Variants in INA observed in about 807,000 individuals in gnomAD.
The protein encoded by INA is alpha-internexin.
INA carries 35 observed loss-of-function variants against 40.1 expected under a neutral mutation model. The observed-to-expected ratio is 0.87, with a 90% CI of 0.67 to 1.16. The LOEUF (loss-of-function observed/expected upper bound fraction) is 1.16. INA is among the 50% of genes most tolerant of loss of function. The probability of loss-of-function intolerance (pLI) is 0.00; values close to 1 mark genes in which losing one functional copy is unlikely to be tolerated. For missense variants in INA, 594 were observed against 686.7 expected (o/e 0.87, Z 1.51); for synonymous variants, 290 against 316.9 (o/e 0.92, Z 0.90).
At position 103,289,283 on chromosome 10, in the gene INA, C is replaced by T. The variant is rs904089981; in HGVS notation, c.*614C>T. On this transcript the variant is annotated 3_prime_UTR_variant, in exon 3 of 3. Transcript: ENST00000369849. ...TCTCAAAAGAACTTACCCCCATTCG[C>T]GCTCTGCTCAGTGGGTAAAATTAGA... 3.9e-5 allele frequency: 6 copies of T among 152,618 alleles called. No individual in the cohort carries two copies. Among genetic ancestry groups the T allele is most frequent in the Non-Finnish European group, 7.3e-5 (5 of 68,052 alleles). The allele number at this position is 152,618 out of a possible 1,614,324, so 9.5% of individuals were successfully genotyped here.
At chr10:103,282,450 A>G (rs2093074782) in intron 1 of INA, among the ~76,000 whole-genome samples, 1 of 152,164 alleles carries the variant, frequency 6.6e-6, no homozygotes, top group Non-Finnish European at 1.5e-5. Flanking sequence ...GAGAATGGGG[A>G]CCACTGGAGT....
intron 1 of INA, among the ~76,000 whole-genome samples, chr10:103,282,630 AATTG>A (rs1272867370): frequency 6.6e-6 from 1 of 152,174 alleles, no homozygotes; most frequent in Non-Finnish European, 1.5e-5. Flanking sequence ...TTATTTTTAA[AATTG>A]ATTATTATCA....
intron 1 of INA, among the ~76,000 whole-genome samples, chr10:103,281,747 C>CA (rs1253682832): frequency 6.6e-6 from 1 of 152,230 alleles, no homozygotes; most frequent in Non-Finnish European, 1.5e-5. Flanking sequence ...CTGAAATCCA[C>CA]AGCTCTGTCG....
intron 1 of INA, chr10:103,279,875 AC>A: frequency 8.7e-7 from 1 of 1,149,252 alleles, no homozygotes; most frequent in South Asian, 1.3e-5. Flanking sequence ...TTCATTATGT[AC>A]CCTAACCCCT....
chr10:103,278,135 C>G lies in INA; in HGVS notation c.924C>G (p.Ser308Arg). The change falls in exon 1 of 3, where the codon AGC (serine) becomes AGG (arginine). Residue 308 changes from serine (S) to arginine (R), a missense_variant. Physicochemically the swap from Ser to Arg is moderately radical, Grantham distance 110 (BLOSUM62 -1). Around this residue, in one of 2 missense-constraint regions of INA, gnomAD observed 379 missense variants for 496.1 expected, o/e 0.76. Coordinates refer to ENST00000369849, the MANE Select transcript of INA (RefSeq NM_032727.4). This position sits in a 1 kb window ranked among gnomAD's most constrained non-coding sequence, Gnocchi z 4.9. ...AARSTEAIRA[S>R]REEIHEYRRQ... ...GCAGCACCGAGGCCATCCGGGCCAG[C>G]CGCGAGGAGATCCACGAGTATCGGC... The G allele has an allele frequency of 1.9e-6, 3 of 1,613,096 alleles. No individual in the cohort carries two copies. Among genetic ancestry groups the G allele is most frequent in the Non-Finnish European group, 1.7e-6 (2 of 1,179,862 alleles).
chr10:103,281,153 TGATA>T (rs1196720091), intron 1 of INA, among the ~76,000 whole-genome samples: 1 of 152,252 alleles, frequency 6.6e-6, no homozygotes, highest in Non-Finnish European at 1.5e-5. Context: ...ATCCATAGCT[TGATA>T]GATCCATTTC....
chr10:103,279,954 AC>A (rs753562511), intron 1 of INA: 8 of 1,289,478 alleles, frequency 6.2e-6, no homozygotes, highest in African/African-American at 1.5e-5. Context: ...GCCTCCAAGT[AC>A]GAGCTAGGTG....
At position 103,277,892 on chromosome 10, in the gene INA, A is replaced by T. The variant is rs2093063790; in HGVS notation, c.681A>T (p.Val227=). The change falls in exon 1 of 3, where the codon GTA becomes GTT. Residue 227 remains valine, a synonymous_variant. Coordinates refer to ENST00000369849, the MANE Select transcript of INA (RefSeq NM_032727.4). The surrounding 1 kb of genome is among the most constrained non-coding windows in gnomAD (Gnocchi z 5.6). ...VESLLDELAF[V]RQVHDEEVAE... ...CGCTGCTGGACGAGCTGGCCTTCGT[A>T]CGCCAGGTGCACGACGAGGAGGTAG... 1 of 1,550,182 alleles carries T rather than the reference A, an allele frequency of 6.5e-7. No individual in the cohort carries two copies. The highest frequency in any genetic ancestry group is 1.4e-5 in the African/African-American group (1 of 73,022).
intron 1 of INA, among the ~76,000 whole-genome samples, chr10:103,283,563 T>C (rs963335599): frequency 2.6e-5 from 4 of 152,164 alleles, no homozygotes; most frequent in Admixed American, 2.0e-4. Flanking sequence ...TGTCAATATT[T>C]ATAGAACAGG....
At chr10:103,280,687 A>G (rs1275720757) in intron 1 of INA, 1 of 985,480 alleles carries the variant, frequency 1.0e-6, no homozygotes, top group Non-Finnish European at 1.2e-6. Context: ...GTAAAAAATG[A>G]TTCACGGTGA....
chr10:103,285,380 C>T (rs1311850471), intron 1 of INA, among the ~76,000 whole-genome samples: 4 of 151,978 alleles, frequency 2.6e-5, no homozygotes, highest in Admixed American at 2.6e-4. Flanking sequence ...ACTGCAACCT[C>T]TGCCTTCCAG....
In INA at chr10:103,289,446, C is replaced by G. The variant is rs2133540041; in HGVS notation, c.*777C>G. On this transcript the variant is annotated 3_prime_UTR_variant, in exon 3 of 3. Coordinates refer to ENST00000369849, the MANE Select transcript of INA (RefSeq NM_032727.4). ...AACATATAAAATAATGCAAAGAATC[C>G]CTAGACTTTAGGCTTTCAGCTTACA... 1 of 152,554 alleles carries G rather than the reference C, an allele frequency of 6.6e-6. No homozygotes were observed. Among genetic ancestry groups the G allele is most frequent in the African/African-American group, 2.4e-5 (1 of 41,486 alleles). The allele number at this position is 152,554 out of a possible 1,614,324, so 9.5% of individuals were successfully genotyped here.
chr10:103,289,348 C>G lies in INA; in HGVS notation c.*679C>G, dbSNP rs1063461. 0.41 allele frequency: 62,112 copies of G among 152,452 alleles called. 13,255 individuals are homozygous for G. The highest frequency in any genetic ancestry group is 0.56 in the South Asian group (2,682 of 4,822). The allele number at this position is 152,452 out of a possible 1,614,324, so 9.4% of individuals were successfully genotyped here. ...GTCTATGATTCGTGTAATTACTTAT[C>G]CCTGCCCATTTCATATTCTTTCAAT... is the stretch of plus-strand genomic sequence containing the variant. On this transcript the variant is annotated 3_prime_UTR_variant, in exon 3 of 3. Coordinates refer to ENST00000369849, the MANE Select transcript of INA (RefSeq NM_032727.4).
At chr10:103,282,599 G>T (rs1428631716) in intron 1 of INA, among the ~76,000 whole-genome samples, 2 of 152,138 alleles carry the variant, frequency 1.3e-5, no homozygotes, top group African/African-American at 4.8e-5. Context: ...TACCTCGAAT[G>T]ACCTAAAAGA....
In INA at chr10:103,278,280, A is replaced by G. The variant is rs1282579921; in HGVS notation, c.1065+4A>G. 93 of 1,541,212 alleles carry G rather than the reference A, an allele frequency of 6.0e-5. No individual in the cohort carries two copies. Among genetic ancestry groups the G allele is most frequent in the Non-Finnish European group, 7.9e-5 (90 of 1,141,768 alleles). Reference sequence around the variant, plus strand: ...TGCCGAGGTAGCTGGCTACCAGGTAAGGGCCGGGGCTGGGCGTGGGGAGGG... The same window carrying G: ...TGCCGAGGTAGCTGGCTACCAGGTAGGGGCCGGGGCTGGGCGTGGGGAGGG... On this transcript the variant is annotated splice_donor_region_variant and intron_variant, in intron 1 of 2. Transcript: ENST00000369849. The surrounding 1 kb of genome is among the most constrained non-coding windows in gnomAD (Gnocchi z 4.9).
At chr10:103,280,113 T>G (rs923259377) in intron 1 of INA, 3 of 985,438 alleles carry the variant, frequency 3.0e-6, no homozygotes, top group Non-Finnish European at 2.4e-6. Context: ...TTGTTTGCTG[T>G]AAAAGGCTTT....
Position 103,277,208 on chromosome 10 carries a change from C to G in INA, c.-4C>G. On this transcript the variant is annotated 5_prime_UTR_variant, in exon 1 of 3. Coordinates refer to ENST00000369849, the MANE Select transcript of INA (RefSeq NM_032727.4). The surrounding 1 kb of genome is among the most constrained non-coding windows in gnomAD (Gnocchi z 5.6). The stretch of plus-strand genomic sequence containing the variant: ...GCCGCACGTCCGGCCCCGATCCCGG[C>G]ACCATGAGCTTCGGCTCGGAGCACT... The G allele has an allele frequency of 6.4e-7, 1 of 1,574,416 alleles. No individual in the cohort carries two copies. Among genetic ancestry groups the G allele is most frequent in the Non-Finnish European group, 8.6e-7 (1 of 1,164,472 alleles).
In INA at chr10:103,278,223, A is replaced by G; in HGVS notation, c.1012A>G (p.Arg338Gly). Residue 338 changes from arginine (R) to glycine (G), a missense_variant, in exon 1 of 3, where the codon AGG becomes GGG. This residue lies in a region of INA where 379 missense variants were observed against 496.1 expected (regional missense o/e 0.76). Coordinates refer to ENST00000369849, the MANE Select transcript of INA (RefSeq NM_032727.4). The surrounding 1 kb of genome is among the most constrained non-coding windows in gnomAD (Gnocchi z 4.9). Reference sequence around the variant, plus strand: ...GCGCGGGGCCAACGAGTCCTTGGAGAGGCAGATCCTGGAGCTGGAGGAGCG... The same window carrying G: ...GCGCGGGGCCAACGAGTCCTTGGAGGGGCAGATCCTGGAGCTGGAGGAGCG... ...GLRGANESLE[R>G]QILELEERHS... is the part of the protein sequence containing the mutation. 2 of 1,596,068 alleles carry G rather than the reference A, an allele frequency of 1.3e-6. No individual in the cohort carries two copies. The highest frequency in any genetic ancestry group is 1.7e-6 in the Non-Finnish European group (2 of 1,172,436).
In INA at chr10:103,277,322, C is replaced by T. The variant is rs759370417; in HGVS notation, c.111C>T (p.Gly37=). 5 of 1,584,822 alleles carry T rather than the reference C, an allele frequency of 3.2e-6. No homozygotes were observed. The highest frequency in any genetic ancestry group is 3.4e-6 in the Non-Finnish European group (4 of 1,171,058). The change falls in exon 1 of 3, where the codon GGC becomes GGT. Residue 37 remains glycine (G), a synonymous_variant. Coordinates refer to ENST00000369849, the MANE Select transcript of INA (RefSeq NM_032727.4). This position sits in a 1 kb window ranked among gnomAD's most constrained non-coding sequence, Gnocchi z 5.6. ...ARLSGAGGAG[G]FRSQSLSRSN... ...TCTCTGGGGCCGGCGGCGCGGGCGG[C>T]TTCCGCTCGCAGTCGCTGTCCCGCA...
Sources: allele counts gnomAD v4.1 joint callset (sites outside exome capture counted in the v4.1 genomes callset), GRCh38; gene constraint gnomAD v4.1.1; regional missense constraint gnomAD v4.1.1; non-coding constraint Gnocchi (gnomAD v3.1); transcripts MANE v1.5; gene names NCBI Gene and HGNC (gene_info 2026-07-23, HGNC 2026-07-21).